ATP10B: variants seen among roughly 807,000 people sequenced by gnomAD.
ATP10B encodes ATPase phospholipid transporting 10B (putative).
A neutral mutation model predicts 141.2 loss-of-function variants in ATP10B; 122 were observed. The observed-to-expected ratio is 0.86, with a 90% CI of 0.75 to 1.00. The LOEUF (loss-of-function observed/expected upper bound fraction) is 1.00. ATP10B is among the 50% of genes least tolerant of loss of function. ATP10B has a pLI of 0.00. For missense variants in ATP10B, 1,876 were observed against 1,825.3 expected (o/e 1.03, Z -0.51); for synonymous variants, 685 against 692.0 (o/e 0.99, Z 0.16).
intron 1 of ATP10B, among the ~76,000 whole-genome samples, chr5:160,825,193 G>T (rs1386432833): frequency 6.6e-6 from 1 of 152,074 alleles, no homozygotes; most frequent in East Asian, 1.9e-4. Flanking sequence ...CACATGTCTC[G>T]CATGTAATAG....
At chr5:160,612,960 T>C (rs1217032502) in intron 17 of ATP10B, 35 bp from the exon 18 acceptor site, 9 of 1,583,218 alleles carry the variant, frequency 5.7e-6, no homozygotes, top group Non-Finnish European at 7.7e-6. Context: ...TTCACATTTA[T>C]CGTAAAAGAG....
intron 13 of ATP10B, among the ~76,000 whole-genome samples, chr5:160,629,153 T>C (rs1213273927): frequency 1.4e-5 from 2 of 147,538 alleles, no homozygotes; most frequent in Non-Finnish European, 3.0e-5. Context: ...GGGTGCCAGA[T>C]GGGCAGGTGC....
chr5:160,755,888 A>C (rs180946112), intron 2 of ATP10B, among the ~76,000 whole-genome samples: 1 of 131,686 alleles, frequency 7.6e-6, no homozygotes, highest in African/African-American at 2.7e-5. Context: ...TTATAATTTT[A>C]TGGAACCACT....
At chr5:160,867,201 C>T in the ATP10B span, among the ~76,000 whole-genome samples, 1 of 150,410 alleles carries the variant, frequency 6.6e-6, no homozygotes, top group South Asian at 2.1e-4. Flanking sequence ...CATATATATG[C>T]ATATATATAT....
chr5:160,865,929 A>T, the ATP10B span, among the ~76,000 whole-genome samples: 3 of 152,154 alleles, frequency 2.0e-5, no homozygotes, highest in East Asian at 5.8e-4. Flanking sequence ...GTTGGTGTGG[A>T]TGTGGTGAAA....
At chr5:160,854,457 A>G (rs956367861), upstream of ATP10B, among the ~76,000 whole-genome samples, 24 of 152,194 alleles carry the variant, frequency 1.6e-4, no homozygotes, top group African/African-American at 5.8e-4. Context: ...TTTGCTAAAA[A>G]TGATGGCTTC....
chr5:160,632,205 A>T lies in ATP10B; in HGVS notation c.1544T>A (p.Ile515Asn). 1 of 1,614,146 alleles carries T rather than the reference A, an allele frequency of 6.2e-7. No homozygotes were observed. The highest frequency in any genetic ancestry group is 1.3e-5 in the African/African-American group (1 of 75,036). ...LRRSQSARVP[I>N]QGHYRQRSMG... Reference sequence around the variant, plus strand: ...AGACCTTTGCCGGTAGTGGCCCTGGATGGGCACCCGGGCACTCTGGCTCCT... The same window carrying T: ...AGACCTTTGCCGGTAGTGGCCCTGGTTGGGCACCCGGGCACTCTGGCTCCT... Residue 515 changes from isoleucine to asparagine, a missense_variant, in exon 13 of 26, where the codon ATC becomes AAC. Coordinates refer to ENST00000327245, the MANE Select transcript of ATP10B (RefSeq NM_025153.3).
chr5:160,929,108 G>A, the ATP10B span, among the ~76,000 whole-genome samples: 6 of 152,174 alleles, frequency 3.9e-5, no homozygotes, highest in African/African-American at 1.4e-4. Flanking sequence ...CTGAGGTGAA[G>A]GACAGCCTCA....
At position 160,687,988 on chromosome 5, in the gene ATP10B, C is replaced by A. The variant is rs375585395; in HGVS notation, c.87G>T (p.Pro29=). ...GTCTCCCTTTCTCTGGAGAGAGCAG[C>A]GGTGTGGTTTCCGATGGACAATGGG... The part of the protein sequence containing the change: ...GFPHCPSETT[P]LLSPEKGRQS... The change falls in exon 5 of 26, where the codon CCG becomes CCT. Residue 29 remains proline (P), a synonymous_variant. Transcript: ENST00000327245. The A allele has an allele frequency of 1.2e-6, 2 of 1,613,910 alleles. No homozygotes were observed. Among genetic ancestry groups the A allele is most frequent in the South Asian group, 1.1e-5 (1 of 91,070 alleles).
the ATP10B span, among the ~76,000 whole-genome samples, chr5:160,901,407 A>G: frequency 6.6e-6 from 1 of 152,222 alleles, no homozygotes. Context: ...CCAGTAGCTA[A>G]GGATTCATTC....
chr5:160,895,409 T>C, the ATP10B span, among the ~76,000 whole-genome samples: 1 of 152,030 alleles, frequency 6.6e-6, no homozygotes, highest in Non-Finnish European at 1.5e-5. Context: ...AATCCCAGTC[T>C]CTGATAAAAC....
chr5:160,886,111 G>A, the ATP10B span, among the ~76,000 whole-genome samples: 2 of 152,184 alleles, frequency 1.3e-5, no homozygotes, highest in Non-Finnish European at 2.9e-5. Flanking sequence ...GCCATCGGGG[G>A]AATTTTTAGA....
intron 1 of ATP10B, among the ~76,000 whole-genome samples, chr5:160,841,683 TTGAC>T (rs1176719197): frequency 6.6e-6 from 1 of 152,154 alleles, no homozygotes; most frequent in Non-Finnish European, 1.5e-5. Flanking sequence ...TACAGGGTAT[TTGAC>T]TGTATACTCC....
chr5:160,768,802 G>A (rs1769670473), intron 2 of ATP10B, among the ~76,000 whole-genome samples: 1 of 152,154 alleles, frequency 6.6e-6, no homozygotes, highest in Non-Finnish European at 1.5e-5. Context: ...TCAGGGATTT[G>A]GCACAGTTGG....
intron 13 of ATP10B, among the ~76,000 whole-genome samples, chr5:160,630,150 CAT>C (rs1210185623): frequency 6.6e-6 from 1 of 152,196 alleles, no homozygotes; most frequent in East Asian, 1.9e-4. Context: ...ATAAAAAGAA[CAT>C]ATCACCATCT....
chr5:160,907,729 G>A, the ATP10B span, among the ~76,000 whole-genome samples: 3 of 152,188 alleles, frequency 2.0e-5, no homozygotes, highest in African/African-American at 7.2e-5. Flanking sequence ...AGGAAACTGA[G>A]ACTTAAAGAG....
At chr5:160,727,554 C>A (rs1393937008) in intron 2 of ATP10B, among the ~76,000 whole-genome samples, 2 of 152,126 alleles carry the variant, frequency 1.3e-5, no homozygotes, top group Admixed American at 1.3e-4. Context: ...AGGGTGTTTT[C>A]ATTTTTATTT....
intron 16 of ATP10B, among the ~76,000 whole-genome samples, chr5:160,617,230 G>T (rs558348202): frequency 1.3e-5 from 2 of 152,176 alleles, no homozygotes; most frequent in African/African-American, 2.4e-5. Flanking sequence ...TCTGCAATTC[G>T]CAGCCCTCAC....
chr5:160,608,379 G>C (rs548500778), intron 18 of ATP10B, among the ~76,000 whole-genome samples: 1 of 152,038 alleles, frequency 6.6e-6, no homozygotes, highest in Non-Finnish European at 1.5e-5. Context: ...GAATAGTGCC[G>C]CAATAAACAT....
Sources: allele counts gnomAD v4.1 joint callset (sites outside exome capture counted in the v4.1 genomes callset), GRCh38; gene constraint gnomAD v4.1.1; transcripts MANE v1.5; gene names NCBI Gene and HGNC (gene_info 2026-07-23, HGNC 2026-07-21).